TPST1: variants seen among roughly 807,000 people sequenced by gnomAD.
TPST1 encodes the protein tyrosylprotein sulfotransferase 1, also known as protein-tyrosine sulfotransferase 1.
In TPST1, 20 loss-of-function variants were observed where a neutral mutation model predicts 34.8. That is an observed-to-expected ratio of 0.57 (90% CI 0.40 to 0.84). The LOEUF is 0.84. TPST1 is among the 40% of genes least tolerant of loss of function. TPST1 has a pLI of 0.00. For synonymous variants in TPST1, 152 were observed against 159.4 expected (o/e 0.95, Z 0.35); for missense variants, 353 against 455.5 (o/e 0.78, Z 2.05).
At chr7:66,349,966 TCCCA>T (rs1792439720) in intron 3 of TPST1, among the ~76,000 whole-genome samples, 1 of 152,170 alleles carries the variant, frequency 6.6e-6, no homozygotes, top group South Asian at 2.1e-4. Flanking sequence ...CTTAGACACT[TCCCA>T]CCTCAGCAAG....
In TPST1 at chr7:66,219,371, A is replaced by C. The variant is rs78747805; in HGVS notation, c.-102+13849A>C. Among the ~76,000 whole-genome samples the C allele has an allele frequency of 1.2e-3, 179 of 152,330 alleles. No individual in the cohort carries two copies. In the East Asian group the frequency reaches 0.023, roughly 20 times the overall value. ...AGCAAAACTAAACTGGAAAATATACAGGAAAGGTAGAGCTATTTGCCAGGC... is the reference window on the plus strand; with the variant it reads ...AGCAAAACTAAACTGGAAAATATACCGGAAAGGTAGAGCTATTTGCCAGGC... On this transcript the variant is annotated intron_variant, in intron 1 of 5. Coordinates refer to ENST00000304842, the MANE Select transcript of TPST1 (RefSeq NM_003596.4).
intron 2 of TPST1, among the ~76,000 whole-genome samples, chr7:66,278,270 G>A (rs1279378315): frequency 6.6e-6 from 1 of 152,050 alleles, no homozygotes; most frequent in East Asian, 1.9e-4. Context: ...ATGAGAGAAT[G>A]TAGTTGAAAA....
chr7:66,335,295 C>G (rs1170239603), intron 3 of TPST1, among the ~76,000 whole-genome samples: 2 of 151,686 alleles, frequency 1.3e-5, no homozygotes, highest in African/African-American at 4.8e-5. Context: ...ACTTCTACCA[C>G]AAAAACAAAA....
chr7:66,265,789 T>C (rs1790581124), intron 2 of TPST1, among the ~76,000 whole-genome samples: 1 of 152,152 alleles, frequency 6.6e-6, no homozygotes, highest in Admixed American at 6.5e-5. Context: ...CTCAGTAAGA[T>C]GAACAGCAGA....
intron 2 of TPST1, among the ~76,000 whole-genome samples, chr7:66,255,337 A>G (rs544191394): frequency 3.3e-5 from 5 of 152,104 alleles, no homozygotes; most frequent in Non-Finnish European, 7.3e-5. Flanking sequence ...ACAACAAAGA[A>G]TTTATTCAGC....
intron 3 of TPST1, among the ~76,000 whole-genome samples, chr7:66,320,991 A>G (rs1218162071): frequency 6.6e-6 from 1 of 152,242 alleles, no homozygotes; most frequent in Non-Finnish European, 1.5e-5. Context: ...GTATCTTTGT[A>G]CATATCATTT....
At chr7:66,293,077 G>A (rs553435352) in intron 3 of TPST1, among the ~76,000 whole-genome samples, 1 of 152,072 alleles carries the variant, frequency 6.6e-6, no homozygotes, top group East Asian at 1.9e-4. Context: ...GTGGTGGTGG[G>A]CGCCTGTAGT....
rs60795420 is a variant in TPST1 at position 66,254,002 on chromosome 7, CA to C, written c.845+12750del. Among the ~76,000 whole-genome samples, 976 of 113,556 alleles carry C rather than the reference CA, an allele frequency of 8.6e-3. 12 individuals are homozygous for C. The highest frequency in any genetic ancestry group is 0.026 in the African/African-American group (803 of 31,354). 74.5% of individuals were successfully genotyped at this position (113,556 alleles called of 152,430 possible). A position where few individuals can be genotyped will look rare whatever the true frequency, so the allele number is the denominator to read the frequency against. On this transcript the variant is annotated intron_variant, in intron 2 of 5. Transcript: ENST00000304842. The stretch of plus-strand genomic sequence containing the variant: ...TGGTTGACAGAGTGAGACTCTGTTT[CA>C]AAAAAAAAAAAAAAAAAGAAAGAAA...
Position 66,240,789 on chromosome 7 carries a change from A to G in TPST1, c.364A>G (p.Ile122Val), listed in dbSNP as rs1253739395. 1.2e-6 allele frequency: 2 copies of G among 1,614,172 alleles called. No individual in the cohort carries two copies. Among genetic ancestry groups the G allele is most frequent in the Non-Finnish European group, 8.5e-7 (1 of 1,180,008 alleles). ...GTGGTCACGGTCAAGTAAAGAGAAG[A>G]TCCGCCTGGATGAGGCTGGTGTTAC... ...QMWSRSSKEKIRLDEAGVTDE... is the reference protein window; with the variant it reads ...QMWSRSSKEKVRLDEAGVTDE... Residue 122 changes from isoleucine to valine, a missense_variant, in exon 2 of 6, where the codon ATC (isoleucine) becomes GTC (valine). Ile to Val is a conservative substitution (Grantham distance 29). Transcript: ENST00000304842.
chr7:66,329,665 A>G (rs1212474110), intron 3 of TPST1, among the ~76,000 whole-genome samples: 2 of 152,122 alleles, frequency 1.3e-5, no homozygotes, highest in Non-Finnish European at 2.9e-5. Context: ...TTAGTTGTCT[A>G]TTGCTTGCAA....
chr7:66,345,540 A>G (rs1792331227), intron 3 of TPST1, among the ~76,000 whole-genome samples: 1 of 150,504 alleles, frequency 6.6e-6, no homozygotes, highest in Non-Finnish European at 1.5e-5. Context: ...GTCTGTACCC[A>G]GGCACCTAGG....
At chr7:66,352,137 GTTCC>G (rs961236621) in intron 3 of TPST1, among the ~76,000 whole-genome samples, 3 of 152,202 alleles carry the variant, frequency 2.0e-5, no homozygotes, top group African/African-American at 7.2e-5. Context: ...GGAAGAGCTT[GTTCC>G]TAAACTGCGT....
At chr7:66,312,530 T>G (rs1170566957) in intron 3 of TPST1, among the ~76,000 whole-genome samples, 1 of 152,190 alleles carries the variant, frequency 6.6e-6, no homozygotes, top group African/African-American at 2.4e-5. Flanking sequence ...TGATTACCAG[T>G]GCCTGATATA....
At chr7:66,236,346 ACT>A (rs781707099) in intron 1 of TPST1, among the ~76,000 whole-genome samples, 71 of 151,988 alleles carry the variant, frequency 4.7e-4, no homozygotes, top group Non-Finnish European at 7.5e-4. Flanking sequence ...CTGCTTTTTC[ACT>A]CTGTCTCTAT....
the TPST1 span, among the ~76,000 whole-genome samples, chr7:66,198,848 C>A: frequency 2.6e-5 from 4 of 152,126 alleles, no homozygotes; most frequent in Admixed American, 6.5e-5. Context: ...TTTTCTTTTT[C>A]TTTAAATTGT....
chr7:66,348,553 G>A (rs2116368917), intron 3 of TPST1, among the ~76,000 whole-genome samples: 2 of 152,254 alleles, frequency 1.3e-5, no homozygotes, highest in South Asian at 4.1e-4. Flanking sequence ...CAGTGCTTGA[G>A]GTGGGAGGGT....
chr7:66,204,549 T>G (rs141200204), upstream of TPST1, among the ~76,000 whole-genome samples: 129 of 152,348 alleles, frequency 8.5e-4, 1 homozygote, highest in South Asian at 0.012. Flanking sequence ...AGCTGTTAGA[T>G]TCTGCACTCA....
upstream of TPST1, among the ~76,000 whole-genome samples, chr7:66,200,790 A>T (rs144786222): frequency 4.5e-3 from 685 of 151,954 alleles, 1 homozygote; most frequent in Non-Finnish European, 6.8e-3. Context: ...GCAGTTGCAC[A>T]GTCTCCGCTC....
At chr7:66,281,557 A>G (rs562761685) in intron 2 of TPST1, among the ~76,000 whole-genome samples, 12 of 152,194 alleles carry the variant, frequency 7.9e-5, no homozygotes, top group Non-Finnish European at 1.8e-4. Flanking sequence ...TTTCTATTGT[A>G]TATACATTTT....
Sources: allele counts gnomAD v4.1 joint callset (sites outside exome capture counted in the v4.1 genomes callset), GRCh38; gene constraint gnomAD v4.1.1; transcripts MANE v1.5; gene names NCBI Gene and HGNC (gene_info 2026-07-23, HGNC 2026-07-21).